CLVS1: variants seen among roughly 807,000 people sequenced by gnomAD.
The protein encoded by CLVS1 is clavesin-1.
In CLVS1, 10 loss-of-function variants were observed where a neutral mutation model predicts 33.1. That is an observed-to-expected ratio of 0.30 (90% CI 0.19 to 0.51). The LOEUF is 0.51. Ranked by LOEUF, CLVS1 falls within the 20% of genes least tolerant of loss-of-function variation. The pLI is 0.97. For missense variants in CLVS1, 343 were observed against 433.4 expected, an observed-to-expected ratio of 0.79 and a Z score of 1.85; for synonymous variants, 163 against 166.1, an observed-to-expected ratio of 0.98 and a Z score of 0.14.
chr8:61,059,193 C>T (rs1160049166), intron 1 of CLVS1, among the ~76,000 whole-genome samples: 1 of 151,876 alleles, frequency 6.6e-6, no homozygotes, highest in East Asian at 1.9e-4. Context: ...TTCCTCCATA[C>T]CTTAGCCAAA....
intron 5 of CLVS1, among the ~76,000 whole-genome samples, chr8:61,477,363 C>G (rs1817989907): frequency 6.6e-6 from 1 of 152,068 alleles, no homozygotes; most frequent in South Asian, 2.1e-4. Context: ...GGAATAGTTT[C>G]AGAAGGAATG....
intron 1 of CLVS1, among the ~76,000 whole-genome samples, chr8:61,289,408 TTA>T (rs1237956025): frequency 2.0e-5 from 3 of 152,218 alleles, no homozygotes; most frequent in African/African-American, 7.2e-5. Flanking sequence ...TTAGCCAGGA[TTA>T]TCTGTTTTAT....
rs199970543 is a variant in CLVS1 at position 61,444,672 on chromosome 8, GC to G, written c.631-9465del. On this transcript the variant is annotated intron_variant, in intron 3 of 5. Transcript: ENST00000325897. ...CTACAGAATGGAGTCACATGGGAAAGCCCCGAGGTTAGTCAGGAGGCAGCGG... is the reference window on the plus strand; with the variant it reads ...CTACAGAATGGAGTCACATGGGAAAGCCCGAGGTTAGTCAGGAGGCAGCGG... Among the ~76,000 whole-genome samples the G allele has an allele frequency of 3.5e-3, 533 of 152,320 alleles. 4 individuals carry two copies. Among genetic ancestry groups the G allele is most frequent in the African/African-American group, 0.012 (480 of 41,588 alleles).
chr8:61,357,113 T>C (rs1812742862), intron 2 of CLVS1, among the ~76,000 whole-genome samples: 1 of 152,192 alleles, frequency 6.6e-6, no homozygotes, highest in African/African-American at 2.4e-5. Flanking sequence ...GTAGTTCTCC[T>C]TGAAGAGATC....
At chr8:60,989,265 C>T in the CLVS1 span, among the ~76,000 whole-genome samples, 2 of 152,120 alleles carry the variant, frequency 1.3e-5, no homozygotes, top group East Asian at 3.9e-4. Context: ...ACTGCAATCT[C>T]CACCTCCCGG....
intron 2 of CLVS1, among the ~76,000 whole-genome samples, chr8:61,306,692 CA>C (rs1810638961): frequency 6.6e-6 from 1 of 152,138 alleles, no homozygotes; most frequent in African/African-American, 2.4e-5. Flanking sequence ...ATCATGTGAA[CA>C]TTCTAGTTTG....
intron 1 of CLVS1, chr8:61,292,529 T>C (rs1810032081): frequency 2.6e-6 from 1 of 377,560 alleles, no homozygotes; most frequent in East Asian, 7.3e-5. Context: ...GAAATACTCT[T>C]TCCCTTTGAA....
At chr8:61,295,985 G>A (rs540036126) in intron 1 of CLVS1, among the ~76,000 whole-genome samples, 2 of 152,256 alleles carry the variant, frequency 1.3e-5, no homozygotes, top group South Asian at 2.1e-4. Flanking sequence ...TGTTGTACAA[G>A]TTCAATGTAT....
chr8:61,453,802 C>A (rs1817050231), intron 3 of CLVS1, among the ~76,000 whole-genome samples: 1 of 152,152 alleles, frequency 6.6e-6, no homozygotes, highest in African/African-American at 2.4e-5. Context: ...CCTTCGTTAC[C>A]TAACGCAATG....
At chr8:61,421,241 G>A (rs923280274) in intron 3 of CLVS1, among the ~76,000 whole-genome samples, 3 of 152,176 alleles carry the variant, frequency 2.0e-5, no homozygotes, top group Admixed American at 1.3e-4. Flanking sequence ...CTGAGGGGCT[G>A]TAAATGCACA....
intron 2 of CLVS1, among the ~76,000 whole-genome samples, chr8:61,218,539 T>C (rs564861572): frequency 6.6e-6 from 1 of 151,696 alleles, no homozygotes; most frequent in Non-Finnish European, 1.5e-5. Flanking sequence ...AGAAATTTGT[T>C]AAAGGATACA....
intron 3 of CLVS1, among the ~76,000 whole-genome samples, chr8:61,384,183 G>A (rs561471525): frequency 1.3e-5 from 2 of 152,312 alleles, no homozygotes; most frequent in South Asian, 4.2e-4. Flanking sequence ...GAGAGAAACA[G>A]AATTAATTTA....
intron 3 of CLVS1, among the ~76,000 whole-genome samples, chr8:61,406,624 G>A (rs529258355): frequency 3.3e-5 from 5 of 151,794 alleles, no homozygotes; most frequent in Admixed American, 6.6e-5. Flanking sequence ...TTTGTGGGGG[G>A]GGGGATGGAG....
At chr8:61,459,634 A>G (rs562540140) in intron 5 of CLVS1, among the ~76,000 whole-genome samples, 1 of 152,208 alleles carries the variant, frequency 6.6e-6, no homozygotes, top group African/African-American at 2.4e-5. Flanking sequence ...CCCTTCAGCC[A>G]CTATTCTCAA....
chr8:61,412,073 T>C (rs1218103616), intron 3 of CLVS1, among the ~76,000 whole-genome samples: 1 of 151,986 alleles, frequency 6.6e-6, no homozygotes, highest in Non-Finnish European at 1.5e-5. Flanking sequence ...TTCCTAGCAG[T>C]GATCATCTTA....
At chr8:61,169,610 C>T (rs563424490) in intron 2 of CLVS1, among the ~76,000 whole-genome samples, 1 of 152,298 alleles carries the variant, frequency 6.6e-6, no homozygotes, top group South Asian at 2.1e-4. Flanking sequence ...CTTACCACTG[C>T]CCCGAAGAAC....
intron 1 of CLVS1, among the ~76,000 whole-genome samples, chr8:61,101,998 T>G (rs900956521): frequency 6.6e-6 from 1 of 152,154 alleles, no homozygotes; most frequent in African/African-American, 2.4e-5. Flanking sequence ...TAATGTAGCT[T>G]TGTAATAAGT....
intron 2 of CLVS1, among the ~76,000 whole-genome samples, chr8:61,163,897 G>T (rs1165848643): frequency 6.6e-6 from 1 of 152,180 alleles, no homozygotes; most frequent in Non-Finnish European, 1.5e-5. Context: ...CTGAGCAAAA[G>T]CTCAGCTCAA....
chr8:61,178,499 A>C (rs780078631), intron 2 of CLVS1, among the ~76,000 whole-genome samples: 4 of 152,132 alleles, frequency 2.6e-5, no homozygotes, highest in Non-Finnish European at 5.9e-5. Context: ...ACAGAGAACA[A>C]CACTAAGATA....
Sources: allele counts gnomAD v4.1 joint callset (sites outside exome capture counted in the v4.1 genomes callset), GRCh38; gene constraint gnomAD v4.1.1; transcripts MANE v1.5; gene names NCBI Gene and HGNC (gene_info 2026-07-23, HGNC 2026-07-21).